Variants in MAP4K3 observed in about 807,000 individuals in gnomAD.
MAP4K3 encodes MAPK/ERK kinase kinase kinase 3.
A neutral mutation model predicts 143.5 loss-of-function variants in MAP4K3; 94 were observed. The observed-to-expected ratio is 0.65, with a 90% CI of 0.55 to 0.78. The LOEUF is 0.78. Ranked by LOEUF, MAP4K3 falls within the 30% of genes least tolerant of loss-of-function variation. The probability of loss-of-function intolerance (pLI) is 0.00; values close to 1 mark genes in which losing one functional copy is unlikely to be tolerated. For missense variants in MAP4K3, 1,077 were observed against 1,068.1 expected, an observed-to-expected ratio of 1.01 and a Z score of -0.12; for synonymous variants, 416 against 347.2, an observed-to-expected ratio of 1.20 and a Z score of -2.20.
At chr2:39,359,486 A>G (rs1665705100) in intron 2 of MAP4K3, among the ~76,000 whole-genome samples, 1 of 152,136 alleles carries the variant, frequency 6.6e-6, no homozygotes, top group Non-Finnish European at 1.5e-5. Context: ...CAGTGGATCT[A>G]CCATTCTGAG....
At chr2:39,380,245 G>C (rs1453853848) in intron 1 of MAP4K3, among the ~76,000 whole-genome samples, 1 of 152,064 alleles carries the variant, frequency 6.6e-6, no homozygotes, top group East Asian at 1.9e-4. Flanking sequence ...ACAGACAATT[G>C]AAAGTCCTTA....
intron 1 of MAP4K3, among the ~76,000 whole-genome samples, chr2:39,408,957 CATTTTTAGAGAAATGAAA>C (rs1489075854): frequency 7.2e-5 from 11 of 152,234 alleles, no homozygotes; most frequent in Non-Finnish European, 1.3e-4. Context: ...CATATAGAAA[CATTTTTAGAGAAATGAAA>C]AAGCAAAAAA....
chr2:39,402,031 C>T (rs1255253065), intron 1 of MAP4K3, among the ~76,000 whole-genome samples: 1 of 151,908 alleles, frequency 6.6e-6, no homozygotes, highest in Non-Finnish European at 1.5e-5. Flanking sequence ...TTAGTAGAAA[C>T]ATTAAACTAG....
chr2:39,258,424 T>C lies in MAP4K3; in HGVS notation c.2394A>G (p.Val798=), dbSNP rs1225314861. Residue 798 remains valine (V), a synonymous_variant, in exon 31 of 34, where the codon GTA becomes GTG. Transcript: ENST00000263881. ...LVCLDCCIKI[V]NLQGRLKSSR... ...TAGATTTTAATCTTCCTTGGAGATT[T>C]ACTATTTTTATACAACCTAGAGGAA... 6.2e-7 allele frequency: 1 copy of C among 1,610,130 alleles called. No homozygotes were observed. Among genetic ancestry groups the C allele is most frequent in the Non-Finnish European group, 8.5e-7 (1 of 1,177,368 alleles).
In MAP4K3 at chr2:39,348,614, TGTCCCTAG is replaced by T. The variant is rs1315296386; in HGVS notation, c.246-5170_246-5163del. The stretch of plus-strand genomic sequence containing the variant: ...TTATGCAGGTCAATTATAAAATCTT[TGTCCCTAG>T]GTATCTGAATTGAAATAAAATTAAC... On this transcript the variant is annotated intron_variant, in intron 3 of 33. Coordinates refer to ENST00000263881, the MANE Select transcript of MAP4K3 (RefSeq NM_003618.4). Among the ~76,000 whole-genome samples the T allele has an allele frequency of 2.0e-5, 3 of 152,186 alleles. No individual in the cohort carries two copies. In the East Asian group the frequency reaches 5.8e-4, roughly 29 times the overall value.
At chr2:39,390,429 C>G (rs765043497) in intron 1 of MAP4K3, among the ~76,000 whole-genome samples, 8 of 152,204 alleles carry the variant, frequency 5.3e-5, no homozygotes, top group Admixed American at 6.5e-5. Flanking sequence ...CACGCAGACT[C>G]TGAATCAGCA....
chr2:39,319,814 GCATT>G (rs1200568767), intron 12 of MAP4K3, among the ~76,000 whole-genome samples: 3 of 152,016 alleles, frequency 2.0e-5, no homozygotes, highest in Non-Finnish European at 4.4e-5. Context: ...TCTCTTGATT[GCATT>G]CATTTTTACA....
Position 39,436,804 on chromosome 2 carries a change from C to G in MAP4K3, c.96+88G>C, listed in dbSNP as rs1221208989. 2.6e-6 allele frequency: 3 copies of G among 1,156,380 alleles called. No homozygotes were observed. In the African/African-American group the frequency reaches 4.6e-5, roughly 18 times the overall value. 71.6% of individuals were successfully genotyped at this position (1,156,380 alleles called of 1,614,324 possible). On this transcript the variant is annotated intron_variant, in intron 1 of 33. Transcript: ENST00000263881. ...ACTGCTCCCTGGCGCCAGCGTCTCC[C>G]GAGGACAGGCGGCAAGGGCTCGGAC...
chr2:39,371,960 A>T (rs1573210929), intron 2 of MAP4K3, among the ~76,000 whole-genome samples: 2 of 150,916 alleles, frequency 1.3e-5, no homozygotes, highest in South Asian at 4.2e-4. Context: ...AAGAGCAAGA[A>T]ATAAACGAGC....
chr2:39,326,418 T>A, intron 8 of MAP4K3, 141 bp from the exon 9 acceptor site: 2 of 765,836 alleles, frequency 2.6e-6, no homozygotes, highest in Non-Finnish European at 4.2e-6. Flanking sequence ...ATGCAGTACT[T>A]AAAAGGTCCA....
chr2:39,317,979 A>C (rs1683174263), intron 12 of MAP4K3, among the ~76,000 whole-genome samples: 1 of 152,170 alleles, frequency 6.6e-6, no homozygotes, highest in Non-Finnish European at 1.5e-5. Flanking sequence ...TCACAATAGC[A>C]AAACACAATA....
chr2:39,402,917 A>G (rs1305633533), intron 1 of MAP4K3, among the ~76,000 whole-genome samples: 5 of 152,174 alleles, frequency 3.3e-5, no homozygotes, highest in African/African-American at 9.6e-5. Flanking sequence ...AGAAAATATT[A>G]TAAATAATTT....
intron 1 of MAP4K3, among the ~76,000 whole-genome samples, chr2:39,386,817 G>GTTTTTTTTTTTTT (rs774347519): frequency 1.2e-4 from 4 of 32,162 alleles, no homozygotes; most frequent in South Asian, 2.3e-3. Context: ...TTTTTTTGTT[G>GTTTTTTTTTTTTT]TTCTTTTTTT....
Position 39,418,942 on chromosome 2 carries a change from G to A in MAP4K3, c.96+17950C>T, listed in dbSNP as rs560246277. Among the ~76,000 whole-genome samples, 42 of 152,210 alleles carry A rather than the reference G, an allele frequency of 2.8e-4. No homozygotes were observed. The South Asian group carries it at 6.8e-3, about 25-fold the overall frequency. The stretch of plus-strand genomic sequence containing the variant: ...AAAAACTAGTGAAATCCAAATAGAC[G>A]GTGGAGCTTAGTTAACAGTCATGTT... On this transcript the variant is annotated intron_variant, in intron 1 of 33. Coordinates refer to ENST00000263881, the MANE Select transcript of MAP4K3 (RefSeq NM_003618.4).
At chr2:39,353,142 G>T (rs965638022) in intron 3 of MAP4K3, among the ~76,000 whole-genome samples, 1 of 152,164 alleles carries the variant, frequency 6.6e-6, no homozygotes, top group Non-Finnish European at 1.5e-5. Context: ...CTAATGAGAC[G>T]TTGGATAGAC....
intron 1 of MAP4K3, among the ~76,000 whole-genome samples, chr2:39,384,510 C>T (rs1287636120): frequency 1.3e-5 from 2 of 152,230 alleles, no homozygotes; most frequent in Non-Finnish European, 2.9e-5. Flanking sequence ...TGCGCCACTG[C>T]GCTCCAGCCT....
At chr2:39,288,351 C>T (rs967537890) in intron 19 of MAP4K3, 71 bp from the exon 20 acceptor site, 20 of 1,372,110 alleles carry the variant, frequency 1.5e-5, no homozygotes, top group African/African-American at 7.2e-5. Flanking sequence ...TACTATTATA[C>T]ATTAAAAGCT....
intron 1 of MAP4K3, among the ~76,000 whole-genome samples, chr2:39,394,688 G>C (rs1460117755): frequency 6.6e-6 from 1 of 152,110 alleles, no homozygotes; most frequent in Admixed American, 6.5e-5. Flanking sequence ...AGACGGACAG[G>C]AGAAAGAAAT....
intron 24 of MAP4K3, among the ~76,000 whole-genome samples, chr2:39,274,503 A>T (rs1039077233): frequency 6.6e-6 from 1 of 152,178 alleles, no homozygotes; most frequent in African/African-American, 2.4e-5. Flanking sequence ...TACAGGCATG[A>T]GCCATCGCGC....
Sources: gnomAD v4.1 joint callset for allele counts (sites outside exome capture counted in the v4.1 genomes callset) on GRCh38, gnomAD v4.1.1 for gene constraint, MANE v1.5 for transcripts, NCBI Gene and HGNC (gene_info 2026-07-23, HGNC 2026-07-21) for gene names.